CTNNA1: variants seen among roughly 807,000 people sequenced by gnomAD.
The protein encoded by CTNNA1 is catenin alpha-1.
CTNNA1 carries 37 observed loss-of-function variants against 98.4 expected under a neutral mutation model. The observed-to-expected ratio is 0.38, with a 90% CI of 0.29 to 0.49. CTNNA1 has a LOEUF of 0.49. CTNNA1 is among the 20% of genes least tolerant of loss of function. The probability of loss-of-function intolerance (pLI) is 0.95; values close to 1 mark genes in which losing one functional copy is unlikely to be tolerated. For missense variants in CTNNA1, 761 were observed against 1,147.2 expected, an observed-to-expected ratio of 0.66 and a Z score of 4.86; for synonymous variants, 404 against 413.2, an observed-to-expected ratio of 0.98 and a Z score of 0.27.
chr5:138,866,271 C>CTCAT (rs748067774), intron 7 of CTNNA1, among the ~76,000 whole-genome samples: 29 of 126,112 alleles, frequency 2.3e-4, no homozygotes, highest in Non-Finnish European at 4.2e-4. Flanking sequence ...TCTGTTGTAA[C>CTCAT]TCATTTATTT....
At chr5:138,815,844 C>T (rs576778458) in intron 5 of CTNNA1, among the ~76,000 whole-genome samples, 60 of 152,172 alleles carry the variant, frequency 3.9e-4, no homozygotes, top group African/African-American at 1.3e-3. Context: ...TCCTGTGTAC[C>T]CCCGTTCACA....
rs1760857645 is a variant in CTNNA1 at position 138,827,683 on chromosome 5, G to A, written c.1027G>A (p.Ala343Thr). The A allele has an allele frequency of 6.2e-7, 1 of 1,614,214 alleles. No homozygotes were observed. The highest frequency in any genetic ancestry group is 1.1e-5 in the South Asian group (1 of 91,086). Residue 343 changes from alanine to threonine, a missense_variant, in exon 7 of 18, where the codon GCC (alanine) becomes ACC (threonine). This residue lies in a region of CTNNA1 where 287 missense variants were observed against 436.0 expected (regional missense o/e 0.66). Coordinates refer to ENST00000302763, the MANE Select transcript of CTNNA1 (RefSeq NM_001903.5). The part of the protein sequence containing the change: ...IVAECNAVRQ[A>T]LQDLLSEYMG... ...GGCAGAGTGTAATGCTGTCCGCCAG[G>A]CCCTGCAGGACCTGCTTTCGGAGTA...
At chr5:138,900,681 G>A (rs1757844417) in intron 9 of CTNNA1, among the ~76,000 whole-genome samples, 1 of 152,184 alleles carries the variant, frequency 6.6e-6, no homozygotes. Context: ...AGTAAAGGTA[G>A]AGCCTTCCTA....
intron 10 of CTNNA1, among the ~76,000 whole-genome samples, chr5:138,906,256 G>C (rs534131652): frequency 6.9e-4 from 105 of 152,238 alleles, no homozygotes; most frequent in African/African-American, 2.4e-3. Context: ...TGTTAGTCCA[G>C]TCCTGAAATC....
At chr5:138,924,736 C>G in intron 12 of CTNNA1, 26 bp downstream of exon 12, 1 of 1,541,158 alleles carries the variant, frequency 6.5e-7, no homozygotes, top group Non-Finnish European at 8.8e-7. Context: ...CTTTCCAGTG[C>G]TCGCACACAC....
chr5:138,864,746 A>T (rs1295834677), intron 7 of CTNNA1, among the ~76,000 whole-genome samples: 1 of 152,142 alleles, frequency 6.6e-6, no homozygotes, highest in Non-Finnish European at 1.5e-5. Flanking sequence ...ACAACCAGAG[A>T]TGTTGTATGA....
intron 9 of CTNNA1, among the ~76,000 whole-genome samples, chr5:138,898,429 G>A (rs1369865891): frequency 1.3e-5 from 2 of 152,068 alleles, no homozygotes; most frequent in Non-Finnish European, 2.9e-5. Context: ...TGTTTAGAGA[G>A]TACCTTTGCT....
At position 138,783,355 on chromosome 5, in the gene CTNNA1, A is replaced by T. The variant is rs1755342562; in HGVS notation, c.284A>T (p.Glu95Val). The change falls in exon 3 of 18, where the codon GAA becomes GTA. Residue 95 changes from glutamate (E) to valine (V), a missense_variant. Coordinates refer to ENST00000302763, the MANE Select transcript of CTNNA1 (RefSeq NM_001903.5). ...AAGGAGGAGCTTGTGGCTGCTGTAG[A>T]AGATGTTCGAAAACAAGGTAGGTCA... ...FLKEELVAAV[E>V]DVRKQGDLMK... 1.2e-6 allele frequency: 2 copies of T among 1,613,534 alleles called. No individual in the cohort carries two copies. Among genetic ancestry groups the T allele is most frequent in the Non-Finnish European group, 1.7e-6 (2 of 1,179,590 alleles).
At chr5:138,921,419 G>C (rs1762890907) in intron 11 of CTNNA1, among the ~76,000 whole-genome samples, 1 of 152,118 alleles carries the variant, frequency 6.6e-6, no homozygotes, top group Non-Finnish European at 1.5e-5. Flanking sequence ...ACTTGGAGTG[G>C]TAATTTGTAC....
intron 7 of CTNNA1, among the ~76,000 whole-genome samples, chr5:138,859,813 T>C (rs1402919926): frequency 1.3e-5 from 2 of 151,872 alleles, no homozygotes; most frequent in African/African-American, 4.8e-5. Context: ...GAGGCTGAGG[T>C]GGGAGAATCG....
In CTNNA1 at chr5:138,925,263, A is replaced by C; in HGVS notation, c.1755A>C (p.Pro585=). The change falls in exon 13 of 18, where the codon CCA becomes CCC. Residue 585 remains proline (P), a synonymous_variant. Coordinates refer to ENST00000302763, the MANE Select transcript of CTNNA1 (RefSeq NM_001903.5). ...GTGCCTCTTTCTCCACAGTCATGCC[A>C]CGTTTTACTGAGCAAGTAGAAGCAG... The part of the protein sequence containing the change: ...ATKLLSNTVM[P]RFTEQVEAAV... 1 of 1,613,892 alleles carries C rather than the reference A, an allele frequency of 6.2e-7. No individual in the cohort carries two copies. The highest frequency in any genetic ancestry group is 1.1e-5 in the South Asian group (1 of 91,058).
At chr5:138,916,698 A>G (rs1161769429) in intron 10 of CTNNA1, among the ~76,000 whole-genome samples, 1 of 151,366 alleles carries the variant, frequency 6.6e-6, no homozygotes, top group Non-Finnish European at 1.5e-5. Flanking sequence ...CATTTTCTTT[A>G]TTGTTTATAG....
At chr5:138,760,989 A>G (rs192576541) in intron 1 of CTNNA1, among the ~76,000 whole-genome samples, 1 of 152,320 alleles carries the variant, frequency 6.6e-6, no homozygotes, top group East Asian at 1.9e-4. Context: ...GTCATCCAGA[A>G]AGGGTTTGGT....
At chr5:138,770,718 C>T (rs977572545) in intron 1 of CTNNA1, among the ~76,000 whole-genome samples, 12 of 152,078 alleles carry the variant, frequency 7.9e-5, no homozygotes, top group Admixed American at 3.9e-4. Flanking sequence ...TTTGGGAGGC[C>T]GAGGCAGGCA....
intron 1 of CTNNA1, among the ~76,000 whole-genome samples, chr5:138,776,847 GGGGCT>G: frequency 1.5e-5 from 2 of 134,834 alleles, no homozygotes; most frequent in African/African-American, 2.8e-5. Context: ...GCCGGGCGGG[GGGGCT>G]GACTCCCCCA....
At chr5:138,762,199 C>T (rs1189000100) in intron 1 of CTNNA1, 1 of 152,168 alleles carries the variant, frequency 6.6e-6, no homozygotes, top group African/African-American at 2.4e-5. Flanking sequence ...CTGAAACTTG[C>T]CTGGGTACCA....
At chr5:138,928,951 A>C (rs1350822637) in intron 13 of CTNNA1, among the ~76,000 whole-genome samples, 6 of 151,710 alleles carry the variant, frequency 4.0e-5, no homozygotes, top group African/African-American at 9.7e-5. Flanking sequence ...AAAAAAAAAA[A>C]CAATCATGTC....
At chr5:138,850,054 T>C (rs556120184) in intron 7 of CTNNA1, among the ~76,000 whole-genome samples, 3 of 152,308 alleles carry the variant, frequency 2.0e-5, no homozygotes, top group Admixed American at 2.0e-4. Flanking sequence ...TGGAAAGTTA[T>C]TATACTTGAT....
At chr5:138,895,111 T>C (rs150279824) in intron 9 of CTNNA1, among the ~76,000 whole-genome samples, 134 of 152,296 alleles carry the variant, frequency 8.8e-4, no homozygotes, top group African/African-American at 3.2e-3. Context: ...CCAAGAATAG[T>C]ACCTAGAATA....
Sources: gnomAD v4.1 joint callset for allele counts (sites outside exome capture counted in the v4.1 genomes callset) on GRCh38, gnomAD v4.1.1 for gene constraint, gnomAD v4.1.1 regional missense constraint, MANE v1.5 for transcripts, NCBI Gene and HGNC (gene_info 2026-07-23, HGNC 2026-07-21) for gene names.